The following BTBD8 variants were observed in gnomAD, a reference collection of about 807,000 sequenced individuals.
The protein encoded by BTBD8 is BTB domain containing 8.
BTBD8 carries 110 observed loss-of-function variants against 162.9 expected under a neutral mutation model. The observed-to-expected ratio is 0.68, with a 90% CI of 0.58 to 0.79. BTBD8 has a LOEUF of 0.79. Ranked by LOEUF, BTBD8 falls within the 30% of genes least tolerant of loss-of-function variation. The pLI is 0.00. For missense variants in BTBD8, 1,905 were observed against 2,085.4 expected (o/e 0.91, Z 1.68); for synonymous variants, 667 against 716.1 (o/e 0.93, Z 1.10).
chr1:92,090,859 A>C (rs1032782393), intron 2 of BTBD8, among the ~76,000 whole-genome samples: 2 of 152,146 alleles, frequency 1.3e-5, no homozygotes, highest in Non-Finnish European at 2.9e-5. Flanking sequence ...CCGAACCCAG[A>C]AGGTGGAGGT....
Position 92,177,388 on chromosome 1 carries a change from C to G in BTBD8, c.2195C>G (p.Ser732Ter), listed in dbSNP as rs1032848381. ...IAGPSSRSTDSSMEFSISTEC... is the reference protein window; with the variant it reads ...IAGPSSRSTD ...GGACCCTCCAGCAGATCCACAGATT[C>G]AAGTATGGAATTCTCAATTTCCACT... The change falls in exon 14 of 18, where the codon TCA becomes TGA. Residue 732 changes from serine to a stop codon, truncating the protein, a stop_gained. Transcript: ENST00000636805. LOFTEE classifies it high-confidence loss of function. The G allele has an allele frequency of 6.4e-7, 1 of 1,551,698 alleles. No homozygotes were observed. Among genetic ancestry groups the G allele is most frequent in the Non-Finnish European group, 8.7e-7 (1 of 1,146,998 alleles).
intron 5 of BTBD8, among the ~76,000 whole-genome samples, chr1:92,133,705 T>C: frequency 6.6e-6 from 1 of 152,234 alleles, no homozygotes; most frequent in East Asian, 1.9e-4. Context: ...GCACAGTGGC[T>C]CACGCCTGTA....
chr1:92,096,749 A>G (rs1648463418), intron 2 of BTBD8, among the ~76,000 whole-genome samples: 1 of 151,876 alleles, frequency 6.6e-6, no homozygotes, highest in Non-Finnish European at 1.5e-5. Flanking sequence ...TGTTGCCCAG[A>G]CTAGTCTAGA....
intron 3 of BTBD8, among the ~76,000 whole-genome samples, chr1:92,106,694 A>G (rs1409092506): frequency 3.1e-5 from 4 of 130,428 alleles, no homozygotes; most frequent in African/African-American, 1.1e-4. Flanking sequence ...AAAAAAGTGT[A>G]GTCCTTTATA....
At chr1:92,118,956 T>G (rs1649120475) in intron 4 of BTBD8, among the ~76,000 whole-genome samples, 1 of 151,502 alleles carries the variant, frequency 6.6e-6, no homozygotes, top group African/African-American at 2.4e-5. Flanking sequence ...GAAAGATATA[T>G]CTGGTATAAA....
chr1:92,107,615 A>G (rs1457070293), intron 3 of BTBD8, among the ~76,000 whole-genome samples: 1 of 152,222 alleles, frequency 6.6e-6, no homozygotes, highest in Non-Finnish European at 1.5e-5. Context: ...TCAGGTAACA[A>G]CATATTTCTC....
At chr1:92,173,711 A>G (rs1464558678) in intron 13 of BTBD8, among the ~76,000 whole-genome samples, 1 of 152,180 alleles carries the variant, frequency 6.6e-6, no homozygotes, top group Non-Finnish European at 1.5e-5. Flanking sequence ...TTGGCTTTGC[A>G]TTTATTATGT....
intron 13 of BTBD8, among the ~76,000 whole-genome samples, chr1:92,173,095 T>C (rs1331969830): frequency 6.6e-6 from 1 of 152,156 alleles, no homozygotes; most frequent in African/African-American, 2.4e-5. Context: ...CTGCCTAATT[T>C]TGTATTTTTA....
At position 92,080,389 on chromosome 1, in the gene BTBD8, C is replaced by G. The variant is rs1170893070; in HGVS notation, c.-183C>G. 1.2e-6 allele frequency: 1 copy of G among 816,404 alleles called. No individual in the cohort carries two copies. Among genetic ancestry groups the G allele is most frequent in the Non-Finnish European group, 1.8e-6 (1 of 546,154 alleles). The allele number at this position is 816,404 out of a possible 1,614,324, so 50.6% of individuals were successfully genotyped here. ...GCTCGGTTCTGGGATTCTGAGGCTC[C>G]CCACCGCGGTCCGGCTTCTCTGGGA... On this transcript the variant is annotated 5_prime_UTR_variant, in exon 1 of 18. Transcript: ENST00000636805.
In BTBD8 at chr1:92,180,506, G is replaced by A; in HGVS notation, c.2823G>A (p.Met941Ile). ...TLNNKDSKQK[M>I]PPGQVISKTQ... is the part of the protein sequence containing the mutation. Reference sequence around the variant, plus strand: ...ATAATAAAGATTCAAAACAGAAAATGCCTCCTGGACAGGTTATATCAAAAA... The same window carrying A: ...ATAATAAAGATTCAAAACAGAAAATACCTCCTGGACAGGTTATATCAAAAA... The change falls in exon 17 of 18, where the codon ATG becomes ATA. Residue 941 changes from methionine (M) to isoleucine (I), a missense_variant. Transcript: ENST00000636805. 8 of 1,550,664 alleles carry A rather than the reference G, an allele frequency of 5.2e-6. No individual in the cohort carries two copies. The highest frequency in any genetic ancestry group is 7.0e-6 in the Non-Finnish European group (8 of 1,146,748).
At chr1:92,106,660 CAAAAAAAAAAAA>C (rs60676530) in intron 3 of BTBD8, among the ~76,000 whole-genome samples, 31 of 9,950 alleles carry the variant, frequency 3.1e-3, no homozygotes, top group African/African-American at 6.7e-3. Context: ...GACTCTGTCT[CAAAAAAAAAAAA>C]AAAAAAAAAA....
chr1:92,099,420 C>CAAAA (rs553933303), intron 2 of BTBD8, among the ~76,000 whole-genome samples: 5 of 96,202 alleles, frequency 5.2e-5, no homozygotes, highest in African/African-American at 1.8e-4. Context: ...TCAATTTCTG[C>CAAAA]AAAAAAAAAA....
At chr1:92,111,987 G>T (rs1378018020) in intron 4 of BTBD8, among the ~76,000 whole-genome samples, 1 of 152,092 alleles carries the variant, frequency 6.6e-6, no homozygotes, top group Non-Finnish European at 1.5e-5. Flanking sequence ...TATGCCATTT[G>T]AATTTATTAT....
intron 9 of BTBD8, among the ~76,000 whole-genome samples, chr1:92,156,704 A>G (rs367611534): frequency 6.1e-4 from 93 of 152,230 alleles, no homozygotes; most frequent in South Asian, 2.7e-3. Context: ...CATTTCTTCT[A>G]GTTTACCTTG....
In BTBD8 at chr1:92,177,006, G is replaced by A. The variant is rs1319856115; in HGVS notation, c.1813G>A (p.Asp605Asn). Residue 605 changes from aspartate to asparagine, a missense_variant, in exon 14 of 18, where the codon GAT becomes AAT. Asp to Asn is a conservative substitution (Grantham distance 23, BLOSUM62 1). Coordinates refer to ENST00000636805, the MANE Select transcript of BTBD8 (RefSeq NM_001376131.1). ...TAGTATAAATAAAACTCTGAAGCAAGATGATGTAAAGGAAAAAGATGGTAC... is the reference window on the plus strand; with the variant it reads ...TAGTATAAATAAAACTCTGAAGCAAAATGATGTAAAGGAAAAAGATGGTAC... Reference protein sequence around the residue: ...RNSINKTLKQDDVKEKDGTKI... With the variant: ...RNSINKTLKQNDVKEKDGTKI... 3 of 1,548,050 alleles carry A rather than the reference G, an allele frequency of 1.9e-6. No individual in the cohort carries two copies. Among genetic ancestry groups the A allele is most frequent in the East Asian group, 2.4e-5 (1 of 40,912 alleles).
At chr1:92,171,971 A>T (rs1163855233) in intron 13 of BTBD8, among the ~76,000 whole-genome samples, 1 of 152,156 alleles carries the variant, frequency 6.6e-6, no homozygotes, top group African/African-American at 2.4e-5. Flanking sequence ...CACACCTGTA[A>T]TCCCAGCTAC....
intron 4 of BTBD8, among the ~76,000 whole-genome samples, chr1:92,116,441 G>T (rs866518811): frequency 6.6e-6 from 1 of 152,032 alleles, no homozygotes; most frequent in African/African-American, 2.4e-5. Context: ...AAGTCTCCAA[G>T]TATCATTATA....
chr1:92,182,786 G>A (rs1476415319), intron 17 of BTBD8, among the ~76,000 whole-genome samples, 191 bp downstream of exon 17: 19 of 151,966 alleles, frequency 1.3e-4, no homozygotes, highest in Non-Finnish European at 2.9e-5. Context: ...AAATCCTAAT[G>A]AAGAAGTAAT....
chr1:92,178,007 G>A (rs1650771374), intron 15 of BTBD8, 109 bp downstream of exon 15: 2 of 598,138 alleles, frequency 3.3e-6, no homozygotes, highest in African/African-American at 3.8e-5. Context: ...TTTTGTTAAT[G>A]TATTTACATA....
Sources: allele counts gnomAD v4.1 joint callset (sites outside exome capture counted in the v4.1 genomes callset), GRCh38; gene constraint gnomAD v4.1.1; transcripts MANE v1.5; gene names NCBI Gene and HGNC (gene_info 2026-07-23, HGNC 2026-07-21).